Variants in SASH1 observed in about 807,000 individuals in gnomAD.
The protein encoded by SASH1 is SAM and SH3 domain containing 1.
SASH1 carries 44 observed loss-of-function variants against 125.2 expected under a neutral mutation model. That is an observed-to-expected ratio of 0.35 (90% CI 0.28 to 0.45). The LOEUF (loss-of-function observed/expected upper bound fraction) is 0.45, where lower values mean the gene tolerates loss of function less well. Among genes scored for constraint, SASH1 ranks in the 20% least tolerant of loss-of-function variants. The pLI is 1.00. For missense variants in SASH1, 1,426 were observed against 1,614.5 expected (o/e 0.88, Z 2.00); for synonymous variants, 639 against 649.1 (o/e 0.98, Z 0.24).
intron 2 of SASH1, among the ~76,000 whole-genome samples, chr6:148,410,513 A>G (rs1412439871): frequency 6.6e-6 from 1 of 152,168 alleles, no homozygotes; most frequent in Non-Finnish European, 1.5e-5. Flanking sequence ...TTCAAATCTC[A>G]AAAGAGATTA....
rs1469996344 is a variant in SASH1 at position 148,527,996 on chromosome 6, GGGGT to G, written c.1428+403_1428+406del. 2.5e-4 allele frequency among the ~76,000 whole-genome samples: 32 copies of G among 129,136 alleles called. 1 individual carries two copies. Among genetic ancestry groups the G allele is most frequent in the Admixed American group, 7.4e-4 (10 of 13,488 alleles). 84.7% of individuals were successfully genotyped at this position (129,136 alleles called of 152,430 possible). ...CTAAAGCTTTTTTTTTTTGGGGGGG[GGGGT>G]GGCAGTAGACTTGTCGATCATAGCA... On this transcript the variant is annotated intron_variant, in intron 12 of 19. Transcript: ENST00000367467.
the SASH1 span, among the ~76,000 whole-genome samples, chr6:148,239,195 A>C: frequency 2.0e-5 from 3 of 152,174 alleles, no homozygotes; most frequent in African/African-American, 7.2e-5. Flanking sequence ...CTTTGGTCTA[A>C]GGTGAGGGTT....
intron 2 of SASH1, among the ~76,000 whole-genome samples, chr6:148,401,769 C>T (rs925077126): frequency 1.3e-5 from 2 of 150,992 alleles, no homozygotes; most frequent in African/African-American, 2.4e-5. Flanking sequence ...TATTCGTGAA[C>T]ATCTGGATGT....
chr6:148,298,069 C>T (rs370219902), intron 1 of SASH1, among the ~76,000 whole-genome samples: 4 of 149,784 alleles, frequency 2.7e-5, no homozygotes, highest in Non-Finnish European at 5.9e-5. Flanking sequence ...TCCAGTGGCA[C>T]GGTCTTGGCT....
chr6:148,216,848 A>G, the SASH1 span, among the ~76,000 whole-genome samples: 1 of 151,886 alleles, frequency 6.6e-6, no homozygotes, highest in Non-Finnish European at 1.5e-5. Context: ...CTCATGCCTC[A>G]GGCTCCCGAG....
intron 1 of SASH1, among the ~76,000 whole-genome samples, chr6:148,333,890 T>C (rs1199100755): frequency 6.6e-6 from 1 of 151,952 alleles, no homozygotes; most frequent in South Asian, 2.1e-4. Context: ...TGGCGTGATC[T>C]CAGCTCACTG....
At chr6:148,528,702 C>A (rs750079077) in intron 12 of SASH1, among the ~76,000 whole-genome samples, 1 of 152,108 alleles carries the variant, frequency 6.6e-6, no homozygotes, top group Non-Finnish European at 1.5e-5. Context: ...GCATCTAGGG[C>A]AGCAGTGCCC....
At chr6:148,226,422 C>T in the SASH1 span, among the ~76,000 whole-genome samples, 1 of 152,096 alleles carries the variant, frequency 6.6e-6, no homozygotes, top group Non-Finnish European at 1.5e-5. Context: ...TGCCTACATA[C>T]ACATTTAATC....
At chr6:148,304,436 AAAAAAAAAAG>A (rs1339212258) in intron 1 of SASH1, among the ~76,000 whole-genome samples, 1 of 134,248 alleles carries the variant, frequency 7.4e-6, no homozygotes, top group Non-Finnish European at 1.6e-5. Context: ...CCGTCTCAAA[AAAAAAAAAAG>A]AAAAGAAAAA....
intron 8 of SASH1, chr6:148,512,496 G>C: frequency 1.0e-6 from 1 of 985,168 alleles, no homozygotes; most frequent in Non-Finnish European, 1.2e-6. Context: ...CCAGAATGAG[G>C]GTTAACCAAG....
At position 148,455,509 on chromosome 6, in the gene SASH1, A is replaced by C. The variant is rs112564821; in HGVS notation, c.387-13036A>C. On this transcript the variant is annotated intron_variant, in intron 4 of 19. Transcript: ENST00000367467. The stretch of plus-strand genomic sequence containing the variant: ...AAGGGGAAGGACGTGAAGTCATCTG[A>C]GGGCAGGGTGAAATCAGCGAGTGGA... Among the ~76,000 whole-genome samples the C allele has an allele frequency of 5.1e-3, 778 of 152,202 alleles. 7 individuals are homozygous for C. Among genetic ancestry groups the C allele is most frequent in the African/African-American group, 0.018 (737 of 41,538 alleles).
intron 2 of SASH1, among the ~76,000 whole-genome samples, chr6:148,391,161 G>A (rs1018791965): frequency 1.3e-5 from 2 of 150,818 alleles, no homozygotes; most frequent in African/African-American, 2.4e-5. Context: ...CCAGGCTGGA[G>A]TGCAGTGGCG....
At chr6:148,279,212 A>T (rs536804333) in intron 1 of SASH1, among the ~76,000 whole-genome samples, 5 of 152,002 alleles carry the variant, frequency 3.3e-5, no homozygotes, top group Non-Finnish European at 5.9e-5. Flanking sequence ...GCTGGTCTTG[A>T]ACTCCTGAGC....
chr6:148,430,488 T>G (rs1322893892), intron 2 of SASH1, among the ~76,000 whole-genome samples: 1 of 152,084 alleles, frequency 6.6e-6, no homozygotes, highest in African/African-American at 2.4e-5. Flanking sequence ...CATGCCACCA[T>G]GCCTGGCTAA....
At chr6:148,537,287 A>C (rs1236588216) in intron 16 of SASH1, among the ~76,000 whole-genome samples, 1 of 152,230 alleles carries the variant, frequency 6.6e-6, no homozygotes, top group Non-Finnish European at 1.5e-5. Context: ...GAAGCGTGGG[A>C]AAATGCCAGC....
chr6:148,217,285 A>G, the SASH1 span, among the ~76,000 whole-genome samples: 1 of 152,212 alleles, frequency 6.6e-6, no homozygotes, highest in South Asian at 2.1e-4. Context: ...CTTGTCCTTA[A>G]CACAGTGACA....
chr6:148,337,223 A>ATTTTTTTTTTT (rs10659889), intron 1 of SASH1, among the ~76,000 whole-genome samples: 1 of 124,576 alleles, frequency 8.0e-6, no homozygotes, highest in African/African-American at 3.1e-5. Context: ...CATCCAGCTA[A>ATTTTTTTTTTT]TTTTTTTTTT....
intron 4 of SASH1, among the ~76,000 whole-genome samples, chr6:148,457,834 C>T (rs1777432873): frequency 6.6e-6 from 1 of 152,168 alleles, no homozygotes; most frequent in Non-Finnish European, 1.5e-5. Flanking sequence ...TCCTTCTTCA[C>T]ATGATGACAA....
intron 15 of SASH1, among the ~76,000 whole-genome samples, chr6:148,534,533 G>A (rs1381567378): frequency 1.3e-5 from 2 of 152,208 alleles, no homozygotes; most frequent in Non-Finnish European, 2.9e-5. Context: ...AGCCTGCAAT[G>A]TACATCTTCC....
Sources: allele counts gnomAD v4.1 joint callset (sites outside exome capture counted in the v4.1 genomes callset), GRCh38; gene constraint gnomAD v4.1.1; transcripts MANE v1.5; gene names NCBI Gene and HGNC (gene_info 2026-07-23, HGNC 2026-07-21).